Variants in RBFOX2 observed in about 807,000 individuals in gnomAD.
The protein encoded by RBFOX2 is RNA binding protein fox-1 homolog 2.
In RBFOX2, 10 loss-of-function variants were observed where a neutral mutation model predicts 49.1. The ratio of observed to expected loss-of-function variants is 0.20; its 90% CI spans 0.13 to 0.35. The LOEUF (loss-of-function observed/expected upper bound fraction) is 0.35, where lower values mean the gene tolerates loss of function less well. Among genes scored for constraint, RBFOX2 ranks in the 10% least tolerant of loss-of-function variants. The pLI, the probability that RBFOX2 is intolerant of heterozygous loss-of-function variation, is 1.00. For synonymous variants in RBFOX2, 183 were observed against 187.4 expected, an observed-to-expected ratio of 0.98 and a Z score of 0.19; for missense variants, 323 against 486.9, an observed-to-expected ratio of 0.66 and a Z score of 3.17.
At chr22:35,785,851 T>C (rs201347484) in intron 2 of RBFOX2, among the ~76,000 whole-genome samples, 1 of 152,196 alleles carries the variant, frequency 6.6e-6, no homozygotes, top group African/African-American at 2.4e-5. Context: ...CATTTAAAGA[T>C]GAAACTCACT....
chr22:35,977,747 TATATATATATATATA>T (rs1569517081), intron 1 of RBFOX2, among the ~76,000 whole-genome samples: 1 of 138,806 alleles, frequency 7.2e-6, no homozygotes, highest in African/African-American at 2.7e-5. Context: ...TATATATATA[TATATATATATATATA>T]CATGCACACA....
At chr22:36,000,727 G>A (rs1204849091) in intron 1 of RBFOX2, among the ~76,000 whole-genome samples, 1 of 151,890 alleles carries the variant, frequency 6.6e-6, no homozygotes, top group East Asian at 1.9e-4. Context: ...GTTTTCCTTC[G>A]TTTTTCCTCT....
chr22:35,822,517 G>A (rs1257310058), intron 1 of RBFOX2, among the ~76,000 whole-genome samples: 1 of 152,078 alleles, frequency 6.6e-6, no homozygotes. Flanking sequence ...TGGTAACCCA[G>A]GTAAAAGGAC....
At chr22:35,823,086 G>A (rs1467397287) in intron 1 of RBFOX2, among the ~76,000 whole-genome samples, 1 of 152,146 alleles carries the variant, frequency 6.6e-6, no homozygotes, top group Admixed American at 6.5e-5. Context: ...CTCCCAAAGT[G>A]CTGAGATTAC....
intron 2 of RBFOX2, among the ~76,000 whole-genome samples, chr22:35,794,380 C>T (rs892810262): frequency 6.6e-6 from 1 of 152,044 alleles, no homozygotes; most frequent in Non-Finnish European, 1.5e-5. Flanking sequence ...CTTTTTAGGC[C>T]GTGCGCGGTG....
At chr22:35,871,969 A>G (rs2044407245) in intron 1 of RBFOX2, among the ~76,000 whole-genome samples, 1 of 152,238 alleles carries the variant, frequency 6.6e-6, no homozygotes, top group Admixed American at 6.5e-5. Context: ...AAACCTCTGT[A>G]TCCATAGCTG....
At chr22:35,846,775 AG>A (rs1438504770) in intron 1 of RBFOX2, among the ~76,000 whole-genome samples, 3 of 152,070 alleles carry the variant, frequency 2.0e-5, no homozygotes, top group Non-Finnish European at 4.4e-5. Flanking sequence ...AGTGTCCTTT[AG>A]ATAGGTAAAT....
At chr22:35,858,953 C>T (rs2042829709) in intron 1 of RBFOX2, among the ~76,000 whole-genome samples, 1 of 151,970 alleles carries the variant, frequency 6.6e-6, no homozygotes, top group Non-Finnish European at 1.5e-5. Flanking sequence ...TGAATCACCA[C>T]ATACAGACCA....
chr22:35,824,568 T>C (rs1238269320), intron 1 of RBFOX2, among the ~76,000 whole-genome samples: 1 of 152,230 alleles, frequency 6.6e-6, no homozygotes, highest in Non-Finnish European at 1.5e-5. Context: ...AGTCCTATGT[T>C]AGAAGTAGTC....
At chr22:35,745,814 T>C (rs1602012184) in intron 11 of RBFOX2, 109 bp downstream of exon 13, 1 of 1,120,632 alleles carries the variant, frequency 8.9e-7, no homozygotes, top group East Asian at 2.4e-5. Flanking sequence ...TTTAATACCT[T>C]GATGGTGGAT....
At chr22:35,898,151 G>A (rs867895057) in intron 1 of RBFOX2, 16 of 742,956 alleles carry the variant, frequency 2.2e-5, no homozygotes, top group Non-Finnish European at 3.0e-5. Flanking sequence ...GTATCACACC[G>A]ATAGGGTATG....
intron 9 of RBFOX2, among the ~76,000 whole-genome samples, chr22:35,752,292 A>C (rs73159786): frequency 5.1e-3 from 780 of 152,346 alleles, no homozygotes; most frequent in Non-Finnish European, 9.0e-3. Context: ...AATATAAAAA[A>C]ACAGTTTAAA....
At chr22:35,939,041 T>G, upstream of RBFOX2, 2 of 791,212 alleles carry the variant, frequency 2.5e-6, no homozygotes, top group Non-Finnish European at 4.4e-6. Flanking sequence ...TACCTAAGTG[T>G]ATATATCTCC....
At chr22:35,845,644 T>G (rs1014708114) in intron 1 of RBFOX2, among the ~76,000 whole-genome samples, 11 of 152,192 alleles carry the variant, frequency 7.2e-5, no homozygotes, top group East Asian at 3.8e-4. Flanking sequence ...ACTAGAGTCA[T>G]ACATACAACT....
upstream of RBFOX2, chr22:35,840,664 G>A: frequency 9.9e-7 from 1 of 1,010,050 alleles, no homozygotes; most frequent in Non-Finnish European, 1.2e-6. Flanking sequence ...GTGTAGGGGG[G>A]AGGAGGTAGG....
At chr22:35,822,530 G>C (rs1954749697) in intron 1 of RBFOX2, among the ~76,000 whole-genome samples, 2 of 152,136 alleles carry the variant, frequency 1.3e-5, no homozygotes, top group African/African-American at 4.8e-5. Context: ...AAAAGGACTT[G>C]TTAGCTAGTA....
chr22:36,011,398 T>C (rs2058816710), intron 1 of RBFOX2, among the ~76,000 whole-genome samples: 1 of 152,212 alleles, frequency 6.6e-6, no homozygotes, highest in South Asian at 2.1e-4. Context: ...TTTGAGGTCC[T>C]GTACTAATCA....
At position 35,960,184 on chromosome 22, in the gene RBFOX2, C is replaced by T. The variant is rs566396992; in HGVS notation, c.42+1379G>A. The stretch of plus-strand genomic sequence containing the variant: ...AATTCAAAGAAATATATAATTATTA[C>T]CGACAATAATCACAGCAAGCACTGA... On this transcript the variant is annotated intron_variant, in intron 1 of 5. Coordinates refer to the RBFOX2 transcript ENST00000408983. Among the ~76,000 whole-genome samples, 10 of 152,214 alleles carry T rather than the reference C, an allele frequency of 6.6e-5. No homozygotes were observed. The South Asian group carries it at 1.9e-3, about 28-fold the overall frequency.
chr22:35,761,440 A>T, exon 7 of RBFOX2: 1 of 1,614,228 alleles, frequency 6.2e-7, no homozygotes, highest in Non-Finnish European at 8.5e-7. Flanking sequence ...GACCATATAC[A>T]GCTCCAACTA....
Sources: allele counts gnomAD v4.1 joint callset (sites outside exome capture counted in the v4.1 genomes callset), GRCh38; gene constraint gnomAD v4.1.1; transcripts MANE v1.5; gene names NCBI Gene and HGNC (gene_info 2026-07-23, HGNC 2026-07-21).